ZNF37A: variants seen among roughly 807,000 people sequenced by gnomAD.
The protein encoded by ZNF37A is zinc finger protein 37A.
In ZNF37A, 10 loss-of-function variants were observed where a neutral mutation model predicts 12.3. That is an observed-to-expected ratio of 0.82 (90% CI 0.50 to 1.38). The LOEUF (loss-of-function observed/expected upper bound fraction) is 1.38, where lower values mean the gene tolerates loss of function less well. Among genes scored for constraint, ZNF37A ranks in the 40% most tolerant of loss-of-function variants. ZNF37A has a pLI of 0.00. For missense variants in ZNF37A, 580 were observed against 651.2 expected, an observed-to-expected ratio of 0.89 and a Z score of 1.19; for synonymous variants, 207 against 223.0, an observed-to-expected ratio of 0.93 and a Z score of 0.64.
intron 7 of ZNF37A, chr10:38,140,673 T>C (rs183017684): frequency 2.6e-4 from 40 of 152,324 alleles, no homozygotes; most frequent in African/African-American, 9.4e-4. Context: ...TGCTAAGAGA[T>C]ACATGCATCC....
Position 38,115,281 on chromosome 10 carries a change from A to C in ZNF37A, c.229A>C (p.Ser77Arg). The change falls in exon 7 of 8, where the codon AGT (serine) becomes CGT (arginine). Residue 77 changes from serine to arginine, a missense_variant. By Grantham distance (110) the Ser-to-Arg change is moderately radical. Transcript: ENST00000685332. The stretch of plus-strand genomic sequence containing the variant: ...ATTAGAGGAAAAATTTCCAAGCCAG[A>C]GTCATCTGGGTGAGTTAGTATGTGC... ...WILEEKFPSQ[S>R]HLELINTSRN... 1 of 1,613,572 alleles carries C rather than the reference A, an allele frequency of 6.2e-7. No individual in the cohort carries two copies. The highest frequency in any genetic ancestry group is 1.1e-5 in the South Asian group (1 of 91,024).
At chr10:38,145,439 A>G (rs1590953755) in intron 7 of ZNF37A, among the ~76,000 whole-genome samples, 2 of 152,100 alleles carry the variant, frequency 1.3e-5, no homozygotes, top group South Asian at 4.1e-4. Context: ...CCCTTTAATA[A>G]TTTTCTTGCC....
chr10:38,129,862 A>C (rs1275938503), downstream of ZNF37A, among the ~76,000 whole-genome samples: 3 of 152,214 alleles, frequency 2.0e-5, no homozygotes, highest in Non-Finnish European at 4.4e-5. Context: ...CAAAATTGTG[A>C]GGATGATTTA....
At position 38,119,435 on chromosome 10, in the gene ZNF37A, G is replaced by A. The variant is rs1441299879; in HGVS notation, c.*598G>A. ...TTTTATGGAGTATATGTAATAAGAA[G>A]TAGCTTCTCAGTGAACATCAGATAG... On this transcript the variant is annotated 3_prime_UTR_variant, in exon 8 of 8. Coordinates refer to ENST00000685332, the MANE Select transcript of ZNF37A (RefSeq NM_001324250.3). 2.0e-6 allele frequency: 2 copies of A among 977,588 alleles called. No individual in the cohort carries two copies. The highest frequency in any genetic ancestry group is 2.4e-6 in the Non-Finnish European group (2 of 822,154). The allele number at this position is 977,588 out of a possible 1,614,324, so 60.6% of individuals were successfully genotyped here. A position where few individuals can be genotyped will look rare whatever the true frequency, so the allele number is the denominator to read the frequency against.
chr10:38,130,838 T>C (rs1198666976), intron 7 of ZNF37A, among the ~76,000 whole-genome samples: 1 of 152,194 alleles, frequency 6.6e-6, no homozygotes, highest in East Asian at 1.9e-4. Context: ...GTGTTCTGAC[T>C]TCACCACTTT....
At chr10:38,134,590 C>T (rs572933204) in intron 7 of ZNF37A, among the ~76,000 whole-genome samples, 3 of 152,266 alleles carry the variant, frequency 2.0e-5, no homozygotes, top group South Asian at 4.1e-4. Context: ...GTATCACCAG[C>T]GGAGGCTGCA....
downstream of ZNF37A, among the ~76,000 whole-genome samples, chr10:38,126,907 G>T (rs1448548819): frequency 6.6e-6 from 1 of 152,128 alleles, no homozygotes; most frequent in South Asian, 2.1e-4. Context: ...CATGTAGTTT[G>T]GGCCCTAGAA....
chr10:38,118,590 C>T lies in ZNF37A; in HGVS notation c.1439C>T (p.Ser480Leu), dbSNP rs2069486870. 1.2e-6 allele frequency: 2 copies of T among 1,606,002 alleles called. No individual in the cohort carries two copies. The highest frequency in any genetic ancestry group is 8.5e-7 in the Non-Finnish European group (1 of 1,174,904). The change falls in exon 8 of 8, where the codon TCA (serine) becomes TTA (leucine). Residue 480 changes from serine to leucine, a missense_variant. Transcript: ENST00000685332. ...NECGKTFRQK[S>L]ALIVHQRTHI... ...TGTGGGAAAACCTTCCGTCAGAAGT[C>T]AGCCCTAATTGTTCACCAGAGAACT... is the stretch of plus-strand genomic sequence containing the variant.
chr10:38,101,402 ACTAT>A (rs1181590979), intron 5 of ZNF37A, among the ~76,000 whole-genome samples: 9 of 150,900 alleles, frequency 6.0e-5, no homozygotes, highest in Non-Finnish European at 1.0e-4. Context: ...TTTTTCCAAC[ACTAT>A]CTGTTAGAAA....
Position 38,122,464 on chromosome 10 carries a change from C to G in ZNF37A, c.*3627C>G, listed in dbSNP as rs1432629250. ...TTCAACAGAGCTACAGTAACCAAAA[C>G]AGCATGATACTGGCATAACAACAGA... On this transcript the variant is annotated 3_prime_UTR_variant, in exon 8 of 8. Transcript: ENST00000685332. 3 of 152,150 alleles carry G rather than the reference C, an allele frequency of 2.0e-5. No homozygotes were observed. Among genetic ancestry groups the G allele is most frequent in the Non-Finnish European group, 4.4e-5 (3 of 68,036 alleles). The allele number at this position is 152,150 out of a possible 1,614,324, so 9.4% of individuals were successfully genotyped here. A position where few individuals can be genotyped will look rare whatever the true frequency, so the allele number is the denominator to read the frequency against.
At chr10:38,147,734 G>A (rs1254055176) in exon 8 of ZNF37A, 1 of 152,114 alleles carries the variant, frequency 6.6e-6, no homozygotes, top group Non-Finnish European at 1.5e-5. Context: ...CAGAAGCATA[G>A]CTGCTCTGCT....
downstream of ZNF37A, among the ~76,000 whole-genome samples, chr10:38,128,159 A>G (rs560469245): frequency 6.6e-6 from 1 of 152,306 alleles, no homozygotes; most frequent in African/African-American, 2.4e-5. Context: ...TGTGGGATGT[A>G]ATTGTGTTTT....
At chr10:38,147,671 A>G (rs1448802550) in exon 8 of ZNF37A, 2 of 152,358 alleles carry the variant, frequency 1.3e-5, no homozygotes, top group Middle Eastern at 3.4e-3. Flanking sequence ...AGATATTTCA[A>G]TGAAAAACAG....
At chr10:38,094,602 C>T (rs1159902182) in intron 1 of ZNF37A, 112 bp downstream of exon 1, 1 of 152,458 alleles carries the variant, frequency 6.6e-6, no homozygotes, top group Non-Finnish European at 1.5e-5. Flanking sequence ...TGCCTCGGTT[C>T]TTGTGCTCCC....
In ZNF37A at chr10:38,095,193, C is replaced by G. The variant is rs953190794; in HGVS notation, c.-229C>G. 1 of 152,328 alleles carries G rather than the reference C, an allele frequency of 6.6e-6. No individual in the cohort carries two copies. Among genetic ancestry groups the G allele is most frequent in the Non-Finnish European group, 1.5e-5 (1 of 68,164 alleles). 9.4% of individuals were successfully genotyped at this position (152,328 alleles called of 1,614,324 possible). A position where few individuals can be genotyped will look rare whatever the true frequency, so the allele number is the denominator to read the frequency against. ...GGATTCGAACCAAAGGGCTTAGGCC[C>G]AGCTGTCTTGGAGCAAAGCAGCTGT... On this transcript the variant is annotated 5_prime_UTR_variant, in exon 2 of 8. Coordinates refer to ENST00000685332, the MANE Select transcript of ZNF37A (RefSeq NM_001324250.3).
chr10:38,118,797 AC>A lies in ZNF37A; in HGVS notation c.1649del (p.Pro550LeufsTer2). Reference sequence around the variant, plus strand: ...CATCAGAGAATACACTTGGGGAGAAACCCTATAAATGTAGTAAACGAGGGAA... The same window carrying A: ...CATCAGAGAATACACTTGGGGAGAAACCTATAAATGTAGTAAACGAGGGAA... The part of the protein sequence containing the change: ...TVHQRIHLGR[N>X]PINVVNEGNY... On this transcript the variant is annotated frameshift_variant, in exon 8 of 8. Transcript: ENST00000685332. LOFTEE classifies it low-confidence loss of function (END_TRUNC). The A allele has an allele frequency of 6.2e-7, 1 of 1,601,128 alleles. No individual in the cohort carries two copies. The highest frequency in any genetic ancestry group is 8.5e-7 in the Non-Finnish European group (1 of 1,174,352).
At chr10:38,113,133 A>T (rs2135992884) in intron 5 of ZNF37A, among the ~76,000 whole-genome samples, 1 of 150,198 alleles carries the variant, frequency 6.7e-6, no homozygotes, top group African/African-American at 2.4e-5. Context: ...GTGTTCAGAG[A>T]GTATTTGTTT....
chr10:38,116,463 A>G (rs1265544562), intron 7 of ZNF37A, among the ~76,000 whole-genome samples: 5 of 151,770 alleles, frequency 3.3e-5, no homozygotes, highest in Admixed American at 2.6e-4. Flanking sequence ...CAAACTGACA[A>G]TGGAAAAACA....
At chr10:38,144,677 T>G (rs1431336406) in intron 7 of ZNF37A, among the ~76,000 whole-genome samples, 2 of 152,094 alleles carry the variant, frequency 1.3e-5, no homozygotes, top group Non-Finnish European at 2.9e-5. Flanking sequence ...CTGACCTAAT[T>G]TCTGAAATAT....
Sources: allele counts gnomAD v4.1 joint callset (sites outside exome capture counted in the v4.1 genomes callset), GRCh38; gene constraint gnomAD v4.1.1; transcripts MANE v1.5; gene names NCBI Gene and HGNC (gene_info 2026-07-23, HGNC 2026-07-21).